Variants in CDH13 observed in about 807,000 individuals in gnomAD.
CDH13 encodes cadherin 13, also known as cadherin-13.
A neutral mutation model predicts 63.8 loss-of-function variants in CDH13; 24 were observed. The ratio of observed to expected loss-of-function variants is 0.38; its 90% CI spans 0.27 to 0.53. The LOEUF is 0.53. Ranked by LOEUF, CDH13 falls within the 20% of genes least tolerant of loss-of-function variation. The pLI, the probability that CDH13 is intolerant of heterozygous loss-of-function variation, is 0.85. For synonymous variants in CDH13, 503 were observed against 355.3 expected, an observed-to-expected ratio of 1.42 and a Z score of -4.67; for missense variants, 1,049 against 903.1, an observed-to-expected ratio of 1.16 and a Z score of -2.07.
chr16:83,538,434 C>T (rs903823903), intron 7 of CDH13, among the ~76,000 whole-genome samples: 25 of 152,156 alleles, frequency 1.6e-4, no homozygotes, highest in African/African-American at 3.9e-4. Context: ...CTAGTGGAGG[C>T]GGAAAAAATG....
chr16:83,791,237 C>G (rs1916243314), intron 13 of CDH13, among the ~76,000 whole-genome samples: 2 of 152,208 alleles, frequency 1.3e-5, no homozygotes, highest in Admixed American at 1.3e-4. Flanking sequence ...TGGCTCACGT[C>G]TGTAATCCCA....
chr16:83,754,845 T>C (rs922822800), intron 11 of CDH13, among the ~76,000 whole-genome samples: 1 of 152,270 alleles, frequency 6.6e-6, no homozygotes, highest in East Asian at 1.9e-4. Context: ...AGCATGAAAA[T>C]GGACTAATAC....
intron 1 of CDH13, among the ~76,000 whole-genome samples, chr16:82,692,289 T>C (rs574662672): frequency 6.6e-6 from 1 of 152,236 alleles, no homozygotes; most frequent in Non-Finnish European, 1.5e-5. Flanking sequence ...TATATTAGTC[T>C]GTTCTCACCC....
chr16:83,285,139 G>A (rs574331813), intron 5 of CDH13, among the ~76,000 whole-genome samples: 1 of 152,160 alleles, frequency 6.6e-6, no homozygotes, highest in South Asian at 2.1e-4. Flanking sequence ...CCAGAGTATC[G>A]ATGTGATCCT....
intron 1 of CDH13, among the ~76,000 whole-genome samples, chr16:82,818,623 T>A (rs368793289): frequency 1.3e-5 from 2 of 152,290 alleles, no homozygotes; most frequent in South Asian, 2.1e-4. Context: ...AGCCAACATT[T>A]ACCTTTTAGA....
intron 2 of CDH13, among the ~76,000 whole-genome samples, chr16:82,880,527 T>A (rs1036644590): frequency 1.3e-5 from 2 of 152,150 alleles, no homozygotes; most frequent in Non-Finnish European, 2.9e-5. Context: ...AGTAGCAAAT[T>A]GCTTTGTTTT....
At chr16:83,654,202 C>A (rs1261225194) in intron 8 of CDH13, among the ~76,000 whole-genome samples, 1 of 151,988 alleles carries the variant, frequency 6.6e-6, no homozygotes, top group African/African-American at 2.4e-5. Context: ...TTCTTTCTAT[C>A]AGGCTGGTGC....
intron 2 of CDH13, among the ~76,000 whole-genome samples, chr16:82,877,524 T>A (rs116172219): frequency 9.6e-4 from 146 of 152,320 alleles, no homozygotes; most frequent in African/African-American, 3.4e-3. Context: ...TGTTAGCATT[T>A]CCCAAACTTC....
intron 2 of CDH13, among the ~76,000 whole-genome samples, chr16:82,995,263 A>C (rs753083259): frequency 2.0e-5 from 3 of 152,180 alleles, no homozygotes; most frequent in Non-Finnish European, 4.4e-5. Context: ...TTGCAACAGC[A>C]GATTTTGCTG....
chr16:82,626,997 A>G lies in CDH13; in HGVS notation c.-96A>G. 7.1e-7 allele frequency: 1 copy of G among 1,408,986 alleles called. No individual in the cohort carries two copies. The highest frequency in any genetic ancestry group is 9.8e-7 in the Non-Finnish European group (1 of 1,017,186). 87.3% of individuals were successfully genotyped at this position (1,408,986 alleles called of 1,614,324 possible). On this transcript the variant is annotated 5_prime_UTR_variant, in exon 1 of 14. Coordinates refer to ENST00000567109, the MANE Select transcript of CDH13 (RefSeq NM_001257.5). ...TGGGAAGTTGGCTGGCTGGCGAGGC[A>G]GAGCCTCTCCTCAAAGCCTGGCTCC...
intron 2 of CDH13, among the ~76,000 whole-genome samples, chr16:82,962,243 A>G (rs950722381): frequency 6.6e-6 from 1 of 152,196 alleles, no homozygotes; most frequent in Non-Finnish European, 1.5e-5. Flanking sequence ...AGAGGGTGAT[A>G]TAACCATAGA....
At chr16:82,792,620 C>G (rs970533480) in intron 1 of CDH13, among the ~76,000 whole-genome samples, 2 of 152,164 alleles carry the variant, frequency 1.3e-5, no homozygotes, top group African/African-American at 4.8e-5. Flanking sequence ...ATCCCCAACT[C>G]TGAGGACAAA....
At chr16:83,230,104 A>C (rs1039271075) in intron 5 of CDH13, among the ~76,000 whole-genome samples, 2 of 152,206 alleles carry the variant, frequency 1.3e-5, no homozygotes, top group African/African-American at 4.8e-5. Flanking sequence ...GTCAGAGGTC[A>C]GAAAGGCTGA....
intron 4 of CDH13, among the ~76,000 whole-genome samples, chr16:83,151,538 G>A (rs1405878329): frequency 1.3e-5 from 2 of 152,126 alleles, no homozygotes; most frequent in Non-Finnish European, 2.9e-5. Flanking sequence ...ACCCCTAAAA[G>A]GCGGTGGATT....
At chr16:83,675,879 A>C (rs1471206159) in intron 9 of CDH13, among the ~76,000 whole-genome samples, 1 of 152,242 alleles carries the variant, frequency 6.6e-6, no homozygotes, top group Non-Finnish European at 1.5e-5. Context: ...AGAGAAAAGC[A>C]CAAGAATTAC....
chr16:82,865,117 C>T (rs1461877483), intron 2 of CDH13, among the ~76,000 whole-genome samples: 1 of 152,248 alleles, frequency 6.6e-6, no homozygotes, highest in African/African-American at 2.4e-5. Flanking sequence ...GTTCCACCCC[C>T]ATGGCTTTGT....
intron 8 of CDH13, among the ~76,000 whole-genome samples, chr16:83,633,504 C>T (rs1033650931): frequency 6.6e-6 from 1 of 152,190 alleles, no homozygotes; most frequent in South Asian, 2.1e-4. Flanking sequence ...AAGGCCTTAG[C>T]CAGGTCTGAA....
At chr16:82,971,879 C>T (rs981269847) in intron 2 of CDH13, among the ~76,000 whole-genome samples, 1 of 152,194 alleles carries the variant, frequency 6.6e-6, no homozygotes, top group Non-Finnish European at 1.5e-5. Context: ...ACGGATTCTG[C>T]ATGGCCTGTA....
intron 5 of CDH13, among the ~76,000 whole-genome samples, chr16:83,228,175 C>A (rs998374611): frequency 2.0e-5 from 3 of 152,160 alleles, no homozygotes; most frequent in Non-Finnish European, 4.4e-5. Flanking sequence ...ATGCTTCAGT[C>A]CCCTAGCAGA....
Sources: gnomAD v4.1 joint callset for allele counts (sites outside exome capture counted in the v4.1 genomes callset) on GRCh38, gnomAD v4.1.1 for gene constraint, MANE v1.5 for transcripts, NCBI Gene and HGNC (gene_info 2026-07-23, HGNC 2026-07-21) for gene names.